Variants in PRKD1 observed in about 807,000 individuals in gnomAD.
PRKD1 encodes the protein protein kinase D1.
A neutral mutation model predicts 95.9 loss-of-function variants in PRKD1; 63 were observed. The observed-to-expected ratio is 0.66, with a 90% confidence interval of 0.54 to 0.81. The LOEUF (loss-of-function observed/expected upper bound fraction) is 0.81. Among genes scored for constraint, PRKD1 ranks in the 30% least tolerant of loss-of-function variants. The pLI is 0.00. For synonymous variants in PRKD1, 425 were observed against 423.1 expected (o/e 1.00, Z -0.05); for missense variants, 1,048 against 1,165.3 (o/e 0.90, Z 1.47).
At chr14:29,603,784 T>A (rs7156405) in intron 13 of PRKD1, among the ~76,000 whole-genome samples, 7,645 of 152,246 alleles carry the variant, frequency 0.05, 460 homozygotes, top group South Asian at 0.17. Flanking sequence ...CTTCTCAGGC[T>A]TTCCACAGAA....
intron 2 of PRKD1, among the ~76,000 whole-genome samples, chr14:29,685,707 G>C (rs1041236194): frequency 2.7e-5 from 4 of 150,072 alleles, no homozygotes; most frequent in Non-Finnish European, 4.4e-5. Flanking sequence ...CTCAAAGAAT[G>C]AGCAAAAGAT....
intron 1 of PRKD1, among the ~76,000 whole-genome samples, chr14:29,848,211 T>C (rs898238605): frequency 4.6e-5 from 7 of 152,070 alleles, no homozygotes; most frequent in African/African-American, 1.7e-4. Context: ...GTCTTAAATA[T>C]CAGAGATCTG....
At chr14:29,623,031 G>A (rs1219394162) in intron 13 of PRKD1, among the ~76,000 whole-genome samples, 1 of 152,208 alleles carries the variant, frequency 6.6e-6, no homozygotes, top group African/African-American at 2.4e-5. Context: ...AGTTTCAGAT[G>A]TCATCTGCAC....
rs1453883882 is a variant in PRKD1, at chr14:29,725,555, A to C, written c.384T>G (p.Leu128=). 6 of 1,613,680 alleles carry C rather than the reference A, an allele frequency of 3.7e-6. No individual in the cohort carries two copies. Among genetic ancestry groups the C allele is most frequent in the Non-Finnish European group, 5.1e-6 (6 of 1,179,690 alleles). The change falls in exon 2 of 18, where the codon CTT becomes CTG. Residue 128 remains leucine, a synonymous_variant. Coordinates refer to ENST00000331968, the MANE Select transcript of PRKD1 (RefSeq NM_002742.3). ...TACTACCTGACAAGACCACTTCAAT[A>C]AGATCGCCTTCCTGGATATCACTGG... ...KAASDIQEGD[L]IEVVLSASAT...
intron 2 of PRKD1, among the ~76,000 whole-genome samples, chr14:29,717,640 C>A (rs1594455161): frequency 6.6e-6 from 1 of 152,024 alleles, no homozygotes; most frequent in Non-Finnish European, 1.5e-5. Context: ...TGTTATGTTA[C>A]CATCACTATT....
chr14:29,811,129 C>T (rs769688526), intron 1 of PRKD1, among the ~76,000 whole-genome samples: 3 of 152,168 alleles, frequency 2.0e-5, no homozygotes, highest in Non-Finnish European at 4.4e-5. Flanking sequence ...GTTCATAAAG[C>T]AGAGGAAAAG....
intron 1 of PRKD1, among the ~76,000 whole-genome samples, chr14:29,838,516 C>T (rs1288398458): frequency 6.6e-6 from 1 of 151,972 alleles, no homozygotes; most frequent in Non-Finnish European, 1.5e-5. Flanking sequence ...CCTTAGCTTG[C>T]TTTTGGTTAT....
At chr14:29,825,629 T>C (rs1463588231) in intron 1 of PRKD1, among the ~76,000 whole-genome samples, 1 of 152,122 alleles carries the variant, frequency 6.6e-6, no homozygotes, top group Non-Finnish European at 1.5e-5. Flanking sequence ...GATAGTGACA[T>C]GGTTTCAACT....
chr14:29,841,648 G>A (rs934618204), intron 1 of PRKD1, among the ~76,000 whole-genome samples: 1 of 152,054 alleles, frequency 6.6e-6, no homozygotes, highest in Non-Finnish European at 1.5e-5. Context: ...GGAACTATAA[G>A]TCCATTAAAC....
At chr14:29,654,053 A>C (rs1242749238) in intron 4 of PRKD1, among the ~76,000 whole-genome samples, 1 of 152,178 alleles carries the variant, frequency 6.6e-6, no homozygotes, top group African/African-American at 2.4e-5. Flanking sequence ...TAGAGTTAAA[A>C]ATGTAAACTT....
chr14:29,915,437 G>A (rs1894858262), intron 1 of PRKD1, among the ~76,000 whole-genome samples: 1 of 152,180 alleles, frequency 6.6e-6, no homozygotes, highest in Non-Finnish European at 1.5e-5. Flanking sequence ...AGGGTGAGGA[G>A]TATCTTTAAA....
At chr14:29,716,764 C>A (rs1361342840) in intron 2 of PRKD1, among the ~76,000 whole-genome samples, 2 of 152,140 alleles carry the variant, frequency 1.3e-5, no homozygotes, top group Admixed American at 1.3e-4. Context: ...AACTGATTCA[C>A]TGAAGAGTGA....
intron 1 of PRKD1, among the ~76,000 whole-genome samples, chr14:29,914,755 C>T (rs1311056235): frequency 6.6e-6 from 1 of 151,630 alleles, no homozygotes; most frequent in Non-Finnish European, 1.5e-5. Flanking sequence ...GAAAAGCAAA[C>T]ACTGAATGGC....
chr14:29,704,294 G>A (rs1262273600), intron 2 of PRKD1, among the ~76,000 whole-genome samples: 2 of 151,802 alleles, frequency 1.3e-5, no homozygotes, highest in Non-Finnish European at 2.9e-5. Context: ...ATAAAATAAG[G>A]GCTACTCAAT....
intron 1 of PRKD1, among the ~76,000 whole-genome samples, chr14:29,731,763 C>T (rs1886445748): frequency 2.0e-5 from 3 of 151,994 alleles, no homozygotes; most frequent in African/African-American, 7.3e-5. Flanking sequence ...TTAATGTTTC[C>T]ATGGTACTAT....
At chr14:29,614,317 G>T (rs1878695740) in intron 13 of PRKD1, among the ~76,000 whole-genome samples, 1 of 152,026 alleles carries the variant, frequency 6.6e-6, no homozygotes, top group Admixed American at 6.6e-5. Context: ...GGATTTAATG[G>T]ATTTATAAAC....
intron 1 of PRKD1, among the ~76,000 whole-genome samples, chr14:29,852,526 C>T (rs1412197797): frequency 3.5e-5 from 5 of 143,080 alleles, no homozygotes; most frequent in Admixed American, 6.9e-5. Flanking sequence ...TGTGGGAGTA[C>T]CAGAAGGAGG....
intron 2 of PRKD1, among the ~76,000 whole-genome samples, chr14:29,687,813 G>A (rs970216702): frequency 2.0e-5 from 3 of 152,152 alleles, no homozygotes; most frequent in Admixed American, 6.5e-5. Context: ...TCTGTCACTG[G>A]AATGAGTAGA....
chr14:29,786,492 CTT>C (rs1373378067), intron 1 of PRKD1, among the ~76,000 whole-genome samples: 1 of 152,072 alleles, frequency 6.6e-6, no homozygotes, highest in African/African-American at 2.4e-5. Flanking sequence ...TGGTTGGAGA[CTT>C]TTTGTTACTG....
Sources: gnomAD v4.1 joint callset for allele counts (sites outside exome capture counted in the v4.1 genomes callset) on GRCh38, gnomAD v4.1.1 for gene constraint, MANE v1.5 for transcripts, NCBI Gene and HGNC (gene_info 2026-07-23, HGNC 2026-07-21) for gene names.